Variants in TIGAR observed in about 807,000 individuals in gnomAD.
TIGAR encodes the protein fructose-2,6-bisphosphatase TIGAR.
Under a neutral mutation model 17.9 loss-of-function variants are expected in TIGAR, and 7 were observed. The observed-to-expected ratio is 0.39, with a 90% CI of 0.22 to 0.73. TIGAR has a LOEUF of 0.73. Among genes scored for constraint, TIGAR ranks in the 30% least tolerant of loss-of-function variants. TIGAR has a pLI of 0.42. For synonymous variants in TIGAR, 94 were observed against 108.6 expected, an observed-to-expected ratio of 0.87 and a Z score of 0.84; for missense variants, 258 against 327.4, an observed-to-expected ratio of 0.79 and a Z score of 1.64.
intron 1 of TIGAR, among the ~76,000 whole-genome samples, chr12:4,327,360 G>C (rs1161538271): frequency 1.4e-5 from 2 of 146,682 alleles, no homozygotes; most frequent in African/African-American, 5.1e-5. Context: ...AGTGAGCCGA[G>C]ATCACACCAC....
chr12:4,325,676 AG>A (rs1402011113), intron 1 of TIGAR, among the ~76,000 whole-genome samples: 1 of 146,530 alleles, frequency 6.8e-6, no homozygotes, highest in Non-Finnish European at 1.5e-5. Flanking sequence ...CGGGAGGTAG[AG>A]GTTGCAGTGA....
chr12:4,321,705 T>C lies in TIGAR; in HGVS notation c.32+402T>C, dbSNP rs1427661359. 6.6e-6 allele frequency among the ~76,000 whole-genome samples: 1 copy of C among 152,228 alleles called. No individual in the cohort carries two copies. The highest frequency in any genetic ancestry group is 1.5e-5 in the Non-Finnish European group (1 of 68,036). Reference sequence around the variant, plus strand: ...AATTGCTCGTCCATGGCTGATGTTTTTGATGCCGGCTGCCTTCCGCTATCC... The same window carrying C: ...AATTGCTCGTCCATGGCTGATGTTTCTGATGCCGGCTGCCTTCCGCTATCC... On this transcript the variant is annotated intron_variant, in intron 1 of 5. Coordinates refer to ENST00000179259, the MANE Select transcript of TIGAR (RefSeq NM_020375.3). This position sits in a 1 kb window ranked among gnomAD's most constrained non-coding sequence, Gnocchi z 5.2.
At chr12:4,339,739 A>C (rs771922942) in intron 3 of TIGAR, among the ~76,000 whole-genome samples, 23 of 152,264 alleles carry the variant, frequency 1.5e-4, no homozygotes, top group Non-Finnish European at 2.4e-4. Flanking sequence ...AGGATGTTTC[A>C]ACATAAACAA....
At chr12:4,326,356 C>T (rs1212385521) in intron 1 of TIGAR, among the ~76,000 whole-genome samples, 4 of 152,186 alleles carry the variant, frequency 2.6e-5, no homozygotes, top group Non-Finnish European at 4.4e-5. Context: ...TTTCCTTTCC[C>T]ATTCCCCAAA....
chr12:4,332,807 A>G (rs1030573896), intron 2 of TIGAR, among the ~76,000 whole-genome samples: 6 of 152,216 alleles, frequency 3.9e-5, no homozygotes, highest in Admixed American at 1.3e-4. Flanking sequence ...ATTATATATA[A>G]AATAATCAGC....
chr12:4,345,155 A>T (rs1346336921), intron 3 of TIGAR, among the ~76,000 whole-genome samples: 1 of 152,234 alleles, frequency 6.6e-6, no homozygotes, highest in African/African-American at 2.4e-5. Flanking sequence ...GATAGGAAGA[A>T]TCAATATCAT....
In TIGAR at chr12:4,358,419, C is replaced by G. The variant is rs945911801; in HGVS notation, c.*5728C>G. Among the ~76,000 whole-genome samples, 4 of 152,070 alleles carry G rather than the reference C, an allele frequency of 2.6e-5. No individual in the cohort carries two copies. The highest frequency in any genetic ancestry group is 5.9e-5 in the Non-Finnish European group (4 of 68,032). On this transcript the variant is annotated 3_prime_UTR_variant, in exon 6 of 6. Transcript: ENST00000179259. The stretch of plus-strand genomic sequence containing the variant: ...ATTTATCAAACCTACAGAAAAGTTG[C>G]AAGAACAGTAGAAGGAATGGCTGTA...
intron 1 of TIGAR, chr12:4,324,959 CGA>C (rs1864527704): frequency 6.6e-6 from 1 of 152,518 alleles, no homozygotes; most frequent in Admixed American, 9.3e-5. Context: ...TTTTTTTTGA[CGA>C]AACGGAGTTT....
In TIGAR at chr12:4,357,129, C is replaced by A. The variant is rs1864913058; in HGVS notation, c.*4438C>A. 6.6e-6 allele frequency among the ~76,000 whole-genome samples: 1 copy of A among 152,214 alleles called. No individual in the cohort carries two copies. Among genetic ancestry groups the A allele is most frequent in the Non-Finnish European group, 1.5e-5 (1 of 68,036 alleles). On this transcript the variant is annotated 3_prime_UTR_variant, in exon 6 of 6. Transcript: ENST00000179259. ...CCCTGAGAGAACAGTGCATCTCACACCCATTCCATGGCTTAGGCTTATGCA... is the reference window on the plus strand; with the variant it reads ...CCCTGAGAGAACAGTGCATCTCACAACCATTCCATGGCTTAGGCTTATGCA...
At chr12:4,323,318 G>A (rs961003272) in intron 1 of TIGAR, among the ~76,000 whole-genome samples, 3 of 152,064 alleles carry the variant, frequency 2.0e-5, no homozygotes, top group Admixed American at 6.6e-5. Flanking sequence ...AATATTTGGG[G>A]TAAGGCAACC....
chr12:4,323,822 T>G (rs1228145984), intron 1 of TIGAR, among the ~76,000 whole-genome samples: 1 of 152,236 alleles, frequency 6.6e-6, no homozygotes, highest in Admixed American at 6.5e-5. Context: ...GGTTCAATGC[T>G]TTCCGGTCTG....
chr12:4,337,018 C>A (rs1445642884), intron 2 of TIGAR, 21 bp from the exon 3 acceptor site: 1 of 1,576,036 alleles, frequency 6.3e-7, no homozygotes, highest in South Asian at 1.1e-5. Context: ...TGTTATTGTT[C>A]CTCTTCTTAA....
rs549703243 is a variant in TIGAR at position 4,330,900 on chromosome 12, T to C, written c.33-380T>C. Among the ~76,000 whole-genome samples, 6 of 152,358 alleles carry C rather than the reference T, an allele frequency of 3.9e-5. No individual in the cohort carries two copies. The South Asian group carries it at 1.2e-3, about 32-fold the overall frequency. Reference sequence around the variant, plus strand: ...CTTGCTCATTCAGTCCAGCAATGAATAGACTGACTCTCACGTTTTTGTTCC... The same window carrying C: ...CTTGCTCATTCAGTCCAGCAATGAACAGACTGACTCTCACGTTTTTGTTCC... On this transcript the variant is annotated intron_variant, in intron 1 of 5. Coordinates refer to ENST00000179259, the MANE Select transcript of TIGAR (RefSeq NM_020375.3).
rs776245032 is a variant in TIGAR, at chr12:4,321,244, G to GCCACCGACGGGACGCGGCT, written c.-25_-7dup. ...CAGTGCAGGGGCAGCGCGGCGCGGGGCCACCGACGGGACGCGGCTCCGGGA... is the reference window on the plus strand; with the variant it reads ...CAGTGCAGGGGCAGCGCGGCGCGGGGCCACCGACGGGACGCGGCTCCACCGACGGGACGCGGCTCCGGGA... On this transcript the variant is annotated 5_prime_UTR_variant, in exon 1 of 6. Coordinates refer to ENST00000179259, the MANE Select transcript of TIGAR (RefSeq NM_020375.3). The surrounding 1 kb of genome is among the most constrained non-coding windows in gnomAD (Gnocchi z 5.2). 2 of 1,600,142 alleles carry GCCACCGACGGGACGCGGCT rather than the reference G, an allele frequency of 1.2e-6. No individual in the cohort carries two copies. Among genetic ancestry groups the GCCACCGACGGGACGCGGCT allele is most frequent in the South Asian group, 1.1e-5 (1 of 91,076 alleles).
In TIGAR at chr12:4,327,915, T is replaced by G. The variant is rs1374472607; in HGVS notation, c.33-3365T>G. 9.9e-5 allele frequency among the ~76,000 whole-genome samples: 15 copies of G among 152,030 alleles called. 1 individual carries two copies. The highest frequency in any genetic ancestry group is 3.1e-4 in the African/African-American group (13 of 41,382). On this transcript the variant is annotated intron_variant, in intron 1 of 5. Coordinates refer to ENST00000179259, the MANE Select transcript of TIGAR (RefSeq NM_020375.3). ...ACTCCTGACCTCATGATCCGCCTGC[T>G]TCGGCCTCCCAAAGTGCTGGGATTA...
In TIGAR at chr12:4,352,297, G is replaced by T. The variant is rs1270661983; in HGVS notation, c.419G>T (p.Cys140Phe). The T allele has an allele frequency of 1.9e-6, 3 of 1,611,972 alleles. No homozygotes were observed. Among genetic ancestry groups the T allele is most frequent in the Admixed American group, 3.4e-5 (2 of 59,630 alleles). ...MRGIDFFEFL[C>F]QLILKEADQK... ...GGAATAGACTTTTTTGAATTTCTTT[G>T]TCAACTAATCCTGAAAGAAGCGGAT... is the stretch of plus-strand genomic sequence containing the variant. The change falls in exon 6 of 6, where the codon TGT becomes TTT. Residue 140 changes from cysteine to phenylalanine, a missense_variant. Transcript: ENST00000179259.
At chr12:4,339,336 C>G (rs1370218962) in intron 3 of TIGAR, among the ~76,000 whole-genome samples, 3 of 152,100 alleles carry the variant, frequency 2.0e-5, no homozygotes, top group African/African-American at 7.2e-5. Context: ...GTGCAACCTA[C>G]CAAGATTGAA....
At position 4,357,102 on chromosome 12, in the gene TIGAR, AT is replaced by A. The variant is rs1864912712; in HGVS notation, c.*4412del. Reference sequence around the variant, plus strand: ...TTAGGGGAAGCACATAAAGTAAGATATCCCTGAGAGAACAGTGCATCTCACA... The same window carrying A: ...TTAGGGGAAGCACATAAAGTAAGATACCCTGAGAGAACAGTGCATCTCACA... On this transcript the variant is annotated 3_prime_UTR_variant, in exon 6 of 6. Transcript: ENST00000179259. 6.6e-6 allele frequency among the ~76,000 whole-genome samples: 1 copy of A among 152,264 alleles called. No homozygotes were observed. Among genetic ancestry groups the A allele is most frequent in the Non-Finnish European group, 1.5e-5 (1 of 68,046 alleles).
At chr12:4,341,989 A>AAAAGATC (rs1403080179) in intron 3 of TIGAR, among the ~76,000 whole-genome samples, 1 of 152,200 alleles carries the variant, frequency 6.6e-6, no homozygotes, top group Non-Finnish European at 1.5e-5. Context: ...AAACCTTGAA[A>AAAAGATC]AAAGATCAGA....
Sources: gnomAD v4.1 joint callset for allele counts (sites outside exome capture counted in the v4.1 genomes callset) on GRCh38, gnomAD v4.1.1 for gene constraint, Gnocchi (gnomAD v3.1) non-coding constraint, MANE v1.5 for transcripts, NCBI Gene and HGNC (gene_info 2026-07-23, HGNC 2026-07-21) for gene names.